The following DEPTOR variants were observed in gnomAD, a reference collection of about 807,000 sequenced individuals.
DEPTOR encodes DEP domain containing MTOR interacting protein.
DEPTOR carries 41 observed loss-of-function variants against 41.6 expected under a neutral mutation model. That is an observed-to-expected ratio of 0.98 (90% CI 0.77 to 1.28). The LOEUF is 1.28. Ranked by LOEUF, DEPTOR falls within the 50% of genes most tolerant of loss-of-function variation. The pLI is 0.00. For missense variants in DEPTOR, 514 were observed against 527.9 expected (o/e 0.97, Z 0.26); for synonymous variants, 195 against 192.3 (o/e 1.01, Z -0.12).
chr8:119,944,489 A>C (rs1208707140), intron 3 of DEPTOR, among the ~76,000 whole-genome samples: 1 of 151,934 alleles, frequency 6.6e-6, no homozygotes, highest in Admixed American at 6.6e-5. Context: ...CCATCTCAAC[A>C]GGGTGATTGA....
At chr8:119,950,591 T>C (rs1222253633) in intron 3 of DEPTOR, among the ~76,000 whole-genome samples, 2 of 151,690 alleles carry the variant, frequency 1.3e-5, no homozygotes, top group Non-Finnish European at 2.9e-5. Flanking sequence ...AATCTTTTCT[T>C]TTCTTCTTTT....
At chr8:120,030,325 A>G (rs957463361) in intron 8 of DEPTOR, among the ~76,000 whole-genome samples, 8 of 151,892 alleles carry the variant, frequency 5.3e-5, no homozygotes, top group African/African-American at 1.9e-4. Flanking sequence ...AAATTACTAA[A>G]AAAAGTACCT....
intron 1 of DEPTOR, among the ~76,000 whole-genome samples, chr8:119,890,663 A>G (rs1200020920): frequency 6.6e-6 from 1 of 152,162 alleles, no homozygotes; most frequent in Non-Finnish European, 1.5e-5. Context: ...AGTGATAGCA[A>G]TGTTGTCATG....
intron 8 of DEPTOR, among the ~76,000 whole-genome samples, chr8:120,034,185 T>C (rs764763364): frequency 6.6e-6 from 1 of 152,030 alleles, no homozygotes; most frequent in Non-Finnish European, 1.5e-5. Context: ...TGCTCAGTCC[T>C]ATTTATAATC....
intron 8 of DEPTOR, among the ~76,000 whole-genome samples, chr8:120,015,924 G>A (rs150090744): frequency 6.6e-6 from 1 of 152,294 alleles, no homozygotes; most frequent in Non-Finnish European, 1.5e-5. Flanking sequence ...TCTGGGATAG[G>A]TGGGGGCGGC....
chr8:120,025,986 A>ATTT (rs11396127), intron 8 of DEPTOR, among the ~76,000 whole-genome samples: 10 of 141,832 alleles, frequency 7.1e-5, no homozygotes, highest in Non-Finnish European at 1.1e-4. Flanking sequence ...AGGACTTTTG[A>ATTT]TTTTTTTTTT....
At chr8:119,935,890 C>T (rs771473012) in intron 3 of DEPTOR, among the ~76,000 whole-genome samples, 4 of 151,594 alleles carry the variant, frequency 2.6e-5, no homozygotes, top group Non-Finnish European at 4.4e-5. Flanking sequence ...AAACTAACTT[C>T]GATTTTATCT....
intron 1 of DEPTOR, among the ~76,000 whole-genome samples, chr8:119,900,233 T>C (rs1043734176): frequency 2.1e-5 from 3 of 145,648 alleles, no homozygotes; most frequent in African/African-American, 7.8e-5. Flanking sequence ...GACAGGAGAA[T>C]AGCTTGAACC....
chr8:119,937,675 C>CTGG (rs1828132150), intron 3 of DEPTOR, among the ~76,000 whole-genome samples: 9 of 152,150 alleles, frequency 5.9e-5, no homozygotes, highest in Admixed American at 5.9e-4. Context: ...TTTGCTGCCA[C>CTGG]CATTTTGTGG....
intron 1 of DEPTOR, among the ~76,000 whole-genome samples, chr8:119,907,735 A>G (rs13265546): frequency 0.5 from 75,715 of 151,998 alleles, 20,586 homozygotes; most frequent in East Asian, 0.92. Context: ...AACTGAGATC[A>G]TGCCACTGCA....
intron 1 of DEPTOR, among the ~76,000 whole-genome samples, chr8:119,891,642 C>G (rs573636908): frequency 1.3e-5 from 2 of 152,176 alleles, no homozygotes; most frequent in Non-Finnish European, 2.9e-5. Flanking sequence ...GCCTGTCCCC[C>G]CCAGCAAAGA....
At chr8:119,884,361 T>G (rs886982919) in intron 1 of DEPTOR, among the ~76,000 whole-genome samples, 1 of 152,170 alleles carries the variant, frequency 6.6e-6, no homozygotes, top group Admixed American at 6.5e-5. Flanking sequence ...CCTGGCCGGT[T>G]GCATTTTATT....
At chr8:120,032,211 C>CTTTTTTTT (rs60003356) in intron 8 of DEPTOR, among the ~76,000 whole-genome samples, 2 of 120,912 alleles carry the variant, frequency 1.7e-5, no homozygotes, top group Non-Finnish European at 3.4e-5. Flanking sequence ...CACTAACTTT[C>CTTTTTTTT]TTTTTTTTTT....
intron 4 of DEPTOR, among the ~76,000 whole-genome samples, chr8:120,000,652 G>A (rs1430671067): frequency 6.6e-6 from 1 of 151,904 alleles, no homozygotes; most frequent in Non-Finnish European, 1.5e-5. Context: ...TAGTAGAGAC[G>A]AGGATTCACC....
At chr8:120,017,131 A>T (rs149371584) in intron 8 of DEPTOR, among the ~76,000 whole-genome samples, 215 of 152,336 alleles carry the variant, frequency 1.4e-3, no homozygotes, top group African/African-American at 4.9e-3. Flanking sequence ...AAGCAAATTT[A>T]CTAAATGATT....
intron 4 of DEPTOR, among the ~76,000 whole-genome samples, chr8:119,988,958 C>CTTTTTTTT (rs71571643): frequency 1.1e-5 from 1 of 93,976 alleles, no homozygotes; most frequent in African/African-American, 4.4e-5. Context: ...TTTTTTTTTT[C>CTTTTTTTT]TTTTTTTTTT....
Position 120,030,497 on chromosome 8 carries a change from G to GTTTGTTTTTTT in DEPTOR, c.1102-19076_1102-19075insGTTTTTTTTTT, listed in dbSNP as rs1207108457. On this transcript the variant is annotated intron_variant, in intron 8 of 8. Coordinates refer to ENST00000286234, the MANE Select transcript of DEPTOR (RefSeq NM_022783.4). ...AATGATGTATTGTGTAGGTTCATCAGTTTTTTTTTTTTTTTTTTTTTTTTT... is the reference window on the plus strand; with the variant it reads ...AATGATGTATTGTGTAGGTTCATCAGTTTGTTTTTTTTTTTTTTTTTTTTTTTTTTTTTTTT... Among the ~76,000 whole-genome samples the GTTTGTTTTTTT allele has an allele frequency of 2.3e-3, 107 of 46,214 alleles. 1 individual carries two copies. The highest frequency in any genetic ancestry group is 7.3e-3 in the South Asian group (6 of 824). 30.3% of individuals were successfully genotyped at this position (46,214 alleles called of 152,430 possible).
intron 1 of DEPTOR, among the ~76,000 whole-genome samples, chr8:119,908,657 C>T (rs145264685): frequency 0.01 from 1,578 of 152,192 alleles, 13 homozygotes; most frequent in Non-Finnish European, 0.016. Flanking sequence ...TGCGTCATCC[C>T]GCCTGGCTAA....
intron 1 of DEPTOR, among the ~76,000 whole-genome samples, chr8:119,904,533 C>T (rs1827637545): frequency 6.6e-6 from 1 of 152,088 alleles, no homozygotes; most frequent in Non-Finnish European, 1.5e-5. Flanking sequence ...CTCACTCTGT[C>T]ACGCAGGCTG....
Sources: allele counts gnomAD v4.1 joint callset (sites outside exome capture counted in the v4.1 genomes callset), GRCh38; gene constraint gnomAD v4.1.1; transcripts MANE v1.5; gene names NCBI Gene and HGNC (gene_info 2026-07-23, HGNC 2026-07-21).